Variants in SLC26A9 observed in about 807,000 individuals in gnomAD.
SLC26A9 encodes the protein anion transporter/exchanger protein 9.
Under a neutral mutation model 87.1 loss-of-function variants are expected in SLC26A9, and 46 were observed. That is an observed-to-expected ratio of 0.53 (90% CI 0.42 to 0.67). SLC26A9 has a LOEUF of 0.67. Among genes scored for constraint, SLC26A9 ranks in the 30% least tolerant of loss-of-function variants. SLC26A9 has a pLI of 0.00. For synonymous variants in SLC26A9, 437 were observed against 409.1 expected (o/e 1.07, Z -0.82); for missense variants, 927 against 1,018.3 (o/e 0.91, Z 1.22).
At chr1:205,929,027 G>A in intron 7 of SLC26A9, 118 bp from the exon 8 acceptor site, 1 of 1,471,532 alleles carries the variant, frequency 6.8e-7, no homozygotes, top group South Asian at 1.2e-5. Context: ...CCTCCTTAGG[G>A]GGAATTATTA....
chr1:205,922,273 A>G (rs1029691963), intron 16 of SLC26A9, among the ~76,000 whole-genome samples: 23 of 152,166 alleles, frequency 1.5e-4, no homozygotes, highest in African/African-American at 5.3e-4. Context: ...AGTAGCTGGG[A>G]TTACAGGTGC....
rs148928330 is a variant in SLC26A9, at chr1:205,923,608, T to C, written c.1502A>G (p.Asn501Ser). The change falls in exon 14 of 21, where the codon AAT (asparagine) becomes AGT (serine). Residue 501 changes from asparagine to serine, a missense_variant. Physicochemically the swap from Asn to Ser is conservative, Grantham distance 46 (BLOSUM62 1). Coordinates refer to ENST00000367135, the MANE Select transcript of SLC26A9 (RefSeq NM_052934.4). ...LVVVFQTQFR[N>S]GYALAQVMDT... ...CATGACCTGGGCCAGTGCATAGCCATTTCGACTGGATGAAGCAGGAAGAGA... is the reference window on the plus strand; with the variant it reads ...CATGACCTGGGCCAGTGCATAGCCACTTCGACTGGATGAAGCAGGAAGAGA... 1,763 of 1,614,140 alleles carry C rather than the reference T, an allele frequency of 1.1e-3. 2 individuals are homozygous for C. Among genetic ancestry groups the C allele is most frequent in the Non-Finnish European group, 1.4e-3 (1,635 of 1,180,010 alleles).
At position 205,915,292 on chromosome 1, in the gene SLC26A9, C is replaced by A. The variant is rs768072289; in HGVS notation, c.*65G>T. 3 of 1,611,490 alleles carry A rather than the reference C, an allele frequency of 1.9e-6. No individual in the cohort carries two copies. Among genetic ancestry groups the A allele is most frequent in the South Asian group, 1.1e-5 (1 of 90,502 alleles). On this transcript the variant is annotated 3_prime_UTR_variant, in exon 21 of 21. Coordinates refer to ENST00000367135, the MANE Select transcript of SLC26A9 (RefSeq NM_052934.4). ...GCCCGACACCCCCTGTGACCCCAGG[C>A]TCATCCTTTATGGAAGTCCCAAGTG... is the stretch of plus-strand genomic sequence containing the variant.
chr1:205,929,839 C>T, intron 6 of SLC26A9, 53 bp downstream of exon 6: 1 of 1,536,622 alleles, frequency 6.5e-7, no homozygotes, highest in Non-Finnish European at 8.8e-7. Flanking sequence ...ACATCCTCCT[C>T]ATGTGTCTGC....
In SLC26A9 at chr1:205,923,499, G is replaced by A. The variant is rs74685161; in HGVS notation, c.1566+45C>T. 1,210 of 1,613,882 alleles carry A rather than the reference G, an allele frequency of 7.5e-4. 2 individuals are homozygous for A. Among genetic ancestry groups the A allele is most frequent in the Non-Finnish European group, 6.7e-4 (794 of 1,179,736 alleles). On this transcript the variant is annotated intron_variant, in intron 14 of 20. Transcript: ENST00000367135. Reference sequence around the variant, plus strand: ...CTTTAAAAAGCAACCTCTTCTTGGGGTGGTGCAGAGCAAAAGAAGGAGGTC... The same window carrying A: ...CTTTAAAAAGCAACCTCTTCTTGGGATGGTGCAGAGCAAAAGAAGGAGGTC...
rs893383834 is a variant in SLC26A9, at chr1:205,914,764, G to C, written c.*593C>G. The C allele has an allele frequency of 1.2e-5, 14 of 1,175,892 alleles. No homozygotes were observed. Among genetic ancestry groups the C allele is most frequent in the South Asian group, 9.0e-5 (6 of 66,452 alleles). 72.8% of individuals were successfully genotyped at this position (1,175,892 alleles called of 1,614,324 possible). On this transcript the variant is annotated 3_prime_UTR_variant, in exon 21 of 21. Transcript: ENST00000367135. Reference sequence around the variant, plus strand: ...TGGGCAGCCTTGGGGATGATGGAGGGGGGGCGCATAGTTACCAAGGCCTAG... The same window carrying C: ...TGGGCAGCCTTGGGGATGATGGAGGCGGGGCGCATAGTTACCAAGGCCTAG...
In SLC26A9 at chr1:205,935,730, A is replaced by G; in HGVS notation, c.91T>C (p.Tyr31His). The change falls in exon 2 of 21, where the codon TAC becomes CAC. Residue 31 changes from tyrosine (Y) to histidine (H), a missense_variant. Tyr to His is a moderately conservative substitution (Grantham distance 83). Transcript: ENST00000367135. ...DDEFEKKDRT[Y>H]PVGEKLRNAF... Reference sequence around the variant, plus strand: ...TTGCGAAGTTTCTCTCCCACTGGGTATGTCCGGTCCTTCTTCTCAAACTCA... The same window carrying G: ...TTGCGAAGTTTCTCTCCCACTGGGTGTGTCCGGTCCTTCTTCTCAAACTCA... 6.2e-7 allele frequency: 1 copy of G among 1,614,008 alleles called. No individual in the cohort carries two copies.
rs1242019730 is a variant in SLC26A9, at chr1:205,923,079, C to A, written c.1773+3G>T. On this transcript the variant is annotated splice_donor_region_variant and intron_variant, in intron 16 of 20. Coordinates refer to ENST00000367135, the MANE Select transcript of SLC26A9 (RefSeq NM_052934.4). ...CACGGGGCTGCTTCTGGCCTTCATT[C>A]ACCTTGGTTTTCATGAATAGAGACC... is the stretch of plus-strand genomic sequence containing the variant. 6.2e-7 allele frequency: 1 copy of A among 1,613,426 alleles called. No individual in the cohort carries two copies. The highest frequency in any genetic ancestry group is 2.2e-5 in the East Asian group (1 of 44,878).
intron 2 of SLC26A9, 98 bp downstream of exon 2, chr1:205,935,598 C>G (rs1659477339): frequency 6.5e-7 from 1 of 1,545,326 alleles, no homozygotes; most frequent in Non-Finnish European, 8.8e-7. Context: ...TTCCCTTAAC[C>G]CCATCTTAGG....
chr1:205,927,316 G>C (rs1388676951), intron 10 of SLC26A9, 28 bp from the exon 11 acceptor site: 1 of 1,612,710 alleles, frequency 6.2e-7, no homozygotes, highest in African/African-American at 1.3e-5. Context: ...TGGGGATAGA[G>C]GGAAGGTGTG....
chr1:205,938,702 T>C (rs910561452), intron 1 of SLC26A9, among the ~76,000 whole-genome samples: 3 of 152,120 alleles, frequency 2.0e-5, no homozygotes, highest in Non-Finnish European at 4.4e-5. Flanking sequence ...AAGTTCCTCC[T>C]CCAACCCTCT....
chr1:205,919,353 G>A (rs1658726394), intron 18 of SLC26A9, among the ~76,000 whole-genome samples: 1 of 152,098 alleles, frequency 6.6e-6, no homozygotes. Context: ...CCAATGTGTG[G>A]CATTGGAAGT....
At chr1:205,920,079 T>C (rs1170059750) in intron 18 of SLC26A9, 97 bp downstream of exon 18, 1 of 1,420,402 alleles carries the variant, frequency 7.0e-7, no homozygotes, top group Non-Finnish European at 9.9e-7. Context: ...CTGGGTGCTC[T>C]CGTTTCCAAC....
chr1:205,924,398 A>G lies in SLC26A9; in HGVS notation c.1481T>C (p.Val494Ala). ...TATCACTTACAACTGAGTCTGGAAG[A>G]CCACGACCAGGACGGAGAAGGCGAC... ...VGVAFSVLVVVFQTQFRNGYA... is the reference protein window; with the variant it reads ...VGVAFSVLVVAFQTQFRNGYA... Residue 494 changes from valine (V) to alanine (A), a missense_variant, in exon 13 of 21, where the codon GTC becomes GCC. Transcript: ENST00000367135. 1 of 1,614,182 alleles carries G rather than the reference A, an allele frequency of 6.2e-7. No homozygotes were observed. The highest frequency in any genetic ancestry group is 1.1e-5 in the South Asian group (1 of 91,084).
chr1:205,931,766 C>A, intron 5 of SLC26A9, 94 bp downstream of exon 5: 1 of 1,473,274 alleles, frequency 6.8e-7, no homozygotes, highest in Non-Finnish European at 9.1e-7. Flanking sequence ...CACACCCAGC[C>A]CCCTAAATCA....
At chr1:205,919,026 T>C in intron 18 of SLC26A9, 41 bp from the exon 19 acceptor site, 1 of 1,608,592 alleles carries the variant, frequency 6.2e-7, no homozygotes, top group Non-Finnish European at 8.5e-7. Flanking sequence ...ATAACAGCCA[T>C]TGTGGATTGG....
At chr1:205,931,465 G>GTTTTTTTTGTTTTTT (rs1659301034) in intron 5 of SLC26A9, among the ~76,000 whole-genome samples, 2 of 96,014 alleles carry the variant, frequency 2.1e-5, no homozygotes, top group Non-Finnish European at 4.0e-5. Flanking sequence ...CCCTAACTTG[G>GTTTTTTTTGTTTTTT]TTTTTTTTTT....
chr1:205,921,455 A>G (rs2102576061), intron 17 of SLC26A9, 111 bp downstream of exon 17: 3 of 1,369,476 alleles, frequency 2.2e-6, no homozygotes, highest in Non-Finnish European at 2.9e-6. Context: ...TAGTCTCCCC[A>G]GTGAGCTTCC....
chr1:205,929,396 T>C, intron 6 of SLC26A9, 40 bp from the exon 7 acceptor site: 1 of 1,604,054 alleles, frequency 6.2e-7, no homozygotes, highest in South Asian at 1.1e-5. Flanking sequence ...TCCCACCCCT[T>C]CTTCCCATAA....
Sources: gnomAD v4.1 joint callset for allele counts (sites outside exome capture counted in the v4.1 genomes callset) on GRCh38, gnomAD v4.1.1 for gene constraint, MANE v1.5 for transcripts, NCBI Gene and HGNC (gene_info 2026-07-23, HGNC 2026-07-21) for gene names.